FBXO10: variants seen among roughly 807,000 people sequenced by gnomAD.
FBXO10 encodes the protein F-box only protein 10.
FBXO10 carries 39 observed loss-of-function variants against 80.7 expected under a neutral mutation model. The observed-to-expected ratio is 0.48, with a 90% CI of 0.37 to 0.63. The LOEUF is 0.63. FBXO10 is among the 30% of genes least tolerant of loss of function. The probability of loss-of-function intolerance (pLI) is 0.00; values close to 1 mark genes in which losing one functional copy is unlikely to be tolerated. For synonymous variants in FBXO10, 449 were observed against 489.6 expected (o/e 0.92, Z 1.09); for missense variants, 1,025 against 1,269.0 (o/e 0.81, Z 2.92).
chr9:37,512,814 T>C, intron 10 of FBXO10, 93 bp from the exon 11 acceptor site: 2 of 1,276,786 alleles, frequency 1.6e-6, no homozygotes, highest in Admixed American at 2.5e-5. Context: ...TCCAGATCGG[T>C]GGATCCAGGT....
intron 1 of FBXO10, among the ~76,000 whole-genome samples, chr9:37,570,838 C>T (rs1017098231): frequency 6.6e-6 from 1 of 151,720 alleles, no homozygotes; most frequent in African/African-American, 2.4e-5. Flanking sequence ...ACTAAAAATA[C>T]AAAAAATTAG....
chr9:37,529,030 A>G, intron 5 of FBXO10, 94 bp downstream of exon 5: 12 of 1,512,210 alleles, frequency 7.9e-6, no homozygotes, highest in Non-Finnish European at 9.0e-7. Flanking sequence ...CTCTGCTTGC[A>G]TCTGTACAGT....
intron 4 of FBXO10, among the ~76,000 whole-genome samples, chr9:37,531,505 G>A (rs889185363): frequency 1.3e-5 from 2 of 152,250 alleles, no homozygotes; most frequent in South Asian, 4.1e-4. Context: ...CTAAATACCC[G>A]AAATGTCCTC....
intron 3 of FBXO10, among the ~76,000 whole-genome samples, chr9:37,535,207 G>A (rs897877775): frequency 4.6e-5 from 7 of 152,096 alleles, no homozygotes; most frequent in Non-Finnish European, 1.0e-4. Context: ...GACCTCCTAA[G>A]AGCCAGGCAA....
chr9:37,531,537 C>T (rs1249366073), intron 4 of FBXO10, among the ~76,000 whole-genome samples: 2 of 152,206 alleles, frequency 1.3e-5, no homozygotes, highest in African/African-American at 4.8e-5. Context: ...AATAAACTAA[C>T]TTGGTGGGTT....
intron 4 of FBXO10, among the ~76,000 whole-genome samples, chr9:37,529,647 C>T (rs1235445340): frequency 6.6e-6 from 1 of 152,170 alleles, no homozygotes; most frequent in African/African-American, 2.4e-5. Flanking sequence ...GGCAGCACCC[C>T]AGTGCAACCA....
At chr9:37,533,600 T>G (rs1216278373) in intron 3 of FBXO10, among the ~76,000 whole-genome samples, 5 of 138,388 alleles carry the variant, frequency 3.6e-5, no homozygotes, top group Non-Finnish European at 7.9e-5. Context: ...GCTGGACGTG[T>G]TGGCTCATGC....
At chr9:37,543,400 T>C (rs1439572173) in intron 1 of FBXO10, among the ~76,000 whole-genome samples, 2 of 152,184 alleles carry the variant, frequency 1.3e-5, no homozygotes, top group Non-Finnish European at 2.9e-5. Flanking sequence ...AGAATCAGGA[T>C]GGCCTTATTC....
chr9:37,535,579 A>C (rs1019637393), intron 3 of FBXO10, among the ~76,000 whole-genome samples: 1 of 151,932 alleles, frequency 6.6e-6, no homozygotes, highest in Admixed American at 6.6e-5. Context: ...GCTGGTCTCG[A>C]ACTCCTGAGC....
chr9:37,563,201 T>C (rs942068211), intron 1 of FBXO10, among the ~76,000 whole-genome samples: 2 of 152,200 alleles, frequency 1.3e-5, no homozygotes, highest in Non-Finnish European at 2.9e-5. Flanking sequence ...TCTGCCATGA[T>C]TGTAAGTTTT....
intron 4 of FBXO10, among the ~76,000 whole-genome samples, chr9:37,529,723 A>G (rs990100412): frequency 2.6e-5 from 4 of 152,294 alleles, no homozygotes; most frequent in African/African-American, 9.6e-5. Flanking sequence ...TTTGACTTCT[A>G]GTCCTTTCTC....
chr9:37,528,891 A>G (rs1474907761), intron 5 of FBXO10, among the ~76,000 whole-genome samples: 2 of 152,216 alleles, frequency 1.3e-5, no homozygotes, highest in Admixed American at 1.3e-4. Flanking sequence ...CCCAGGGAGC[A>G]GAGCCTGCCC....
intron 1 of FBXO10, among the ~76,000 whole-genome samples, chr9:37,568,566 T>C (rs946640291): frequency 5.3e-5 from 8 of 152,212 alleles, no homozygotes; most frequent in African/African-American, 1.7e-4. Context: ...AATTATTTAC[T>C]CTCTTCCTTT....
At chr9:37,548,334 G>A (rs1384032431) in intron 1 of FBXO10, among the ~76,000 whole-genome samples, 1 of 151,168 alleles carries the variant, frequency 6.6e-6, no homozygotes, top group Non-Finnish European at 1.5e-5. Context: ...GCAGTGAGCT[G>A]AGATTGTGCC....
chr9:37,570,854 C>T (rs555519695), intron 1 of FBXO10, among the ~76,000 whole-genome samples: 5 of 151,962 alleles, frequency 3.3e-5, no homozygotes, highest in East Asian at 3.9e-4. Flanking sequence ...ATTAGCTGGG[C>T]GTGGTGGCAC....
At position 37,521,555 on chromosome 9, in the gene FBXO10, G is replaced by C. The variant is rs766322684; in HGVS notation, c.2200+14C>G. ...TGGAAGGTTCTTGAGCAGGGGCTGA[G>C]GGGGTATACTCACCTCCATTGTGAT... On this transcript the variant is annotated intron_variant, in intron 8 of 10. Transcript: ENST00000432825. The C allele has an allele frequency of 6.3e-7, 1 of 1,577,680 alleles. No individual in the cohort carries two copies. The highest frequency in any genetic ancestry group is 8.7e-7 in the Non-Finnish European group (1 of 1,155,828).
intron 1 of FBXO10, chr9:37,575,485 T>C (rs1043454244): frequency 2.0e-5 from 3 of 152,224 alleles, no homozygotes; most frequent in Admixed American, 2.0e-4. Context: ...CTAAACCCTT[T>C]ACAATTAATC....
intron 4 of FBXO10, among the ~76,000 whole-genome samples, chr9:37,530,551 C>A (rs1821594566): frequency 6.6e-6 from 1 of 152,234 alleles, no homozygotes; most frequent in Admixed American, 6.5e-5. Context: ...CATCAACCAC[C>A]AGCTGCATGG....
At chr9:37,528,260 C>T (rs1387283425) in intron 5 of FBXO10, among the ~76,000 whole-genome samples, 3 of 152,226 alleles carry the variant, frequency 2.0e-5, no homozygotes, top group African/African-American at 7.2e-5. Flanking sequence ...TTCCACTCTG[C>T]TGTGTGGCAC....
Sources: gnomAD v4.1 joint callset for allele counts (sites outside exome capture counted in the v4.1 genomes callset) on GRCh38, gnomAD v4.1.1 for gene constraint, MANE v1.5 for transcripts, NCBI Gene and HGNC (gene_info 2026-07-23, HGNC 2026-07-21) for gene names.